The following FAF1 variants were observed in gnomAD, a reference collection of about 807,000 sequenced individuals.
The protein encoded by FAF1 is FAS-associated factor 1.
A neutral mutation model predicts 92.5 loss-of-function variants in FAF1; 25 were observed. The observed-to-expected ratio is 0.27, with a 90% CI of 0.20 to 0.38. The LOEUF (loss-of-function observed/expected upper bound fraction) is 0.38. Ranked by LOEUF, FAF1 falls within the 10% of genes least tolerant of loss-of-function variation. The pLI is 1.00. For missense variants in FAF1, 636 were observed against 793.3 expected (o/e 0.80, Z 2.38); for synonymous variants, 234 against 273.2 (o/e 0.86, Z 1.42).
chr1:50,780,617 C>T (rs1055124418), intron 4 of FAF1: 5 of 201,138 alleles, frequency 2.5e-5, no homozygotes, highest in African/African-American at 9.4e-5. Context: ...AACTGCACAT[C>T]CTCTTCCAGC....
intron 1 of FAF1, among the ~76,000 whole-genome samples, chr1:50,903,125 A>C (rs1470494921): frequency 6.6e-6 from 1 of 151,826 alleles, no homozygotes; most frequent in East Asian, 1.9e-4. Flanking sequence ...TCATCTTTTT[A>C]TCCCCAGTGC....
chr1:50,873,854 C>A (rs192124619), intron 1 of FAF1, among the ~76,000 whole-genome samples: 61 of 152,278 alleles, frequency 4.0e-4, no homozygotes, highest in African/African-American at 1.1e-3. Context: ...TGTGCAAAGC[C>A]AAGAAACCTC....
At chr1:50,553,198 C>T (rs1034066047) in intron 13 of FAF1, among the ~76,000 whole-genome samples, 3 of 152,106 alleles carry the variant, frequency 2.0e-5, no homozygotes, top group Non-Finnish European at 4.4e-5. Flanking sequence ...ACCAGTGATA[C>T]TTGAACAAAT....
Position 50,475,503 on chromosome 1 carries a change from C to T in FAF1, c.1830G>A (p.Trp610Ter). The change falls in exon 18 of 19, where the codon TGG becomes TGA. Residue 610 changes from tryptophan to a stop codon, truncating the protein, a stop_gained. Coordinates refer to ENST00000396153, the MANE Select transcript of FAF1 (RefSeq NM_007051.3). LOFTEE classifies it high-confidence loss of function. ...FDFVASKGFPWDEYKLLSTFP... is the reference protein window; with the variant it reads ...FDFVASKGFP ...AGGTGCTCAGTAACTTGTACTCATC[C>T]CATGGAAATCCTTTGGAAGCTACAA... is the stretch of plus-strand genomic sequence containing the variant. The T allele has an allele frequency of 6.2e-7, 1 of 1,614,058 alleles. No homozygotes were observed. Among genetic ancestry groups the T allele is most frequent in the Non-Finnish European group, 8.5e-7 (1 of 1,179,958 alleles).
intron 12 of FAF1, 175 bp downstream of exon 12, chr1:50,582,443 A>T (rs2124010107): frequency 1.8e-6 from 1 of 551,206 alleles, no homozygotes; most frequent in East Asian, 2.8e-5. Context: ...AATTGGACTT[A>T]TACAGAGATG....
intron 1 of FAF1, 83 bp downstream of exon 1, chr1:50,959,684 C>A: frequency 7.9e-7 from 1 of 1,264,216 alleles, no homozygotes; most frequent in South Asian, 1.2e-5. Context: ...CTGCAGCGTT[C>A]AAACGCTGGG....
At chr1:50,736,387 C>T (rs1355547920) in intron 6 of FAF1, among the ~76,000 whole-genome samples, 3 of 152,180 alleles carry the variant, frequency 2.0e-5, no homozygotes, top group Admixed American at 1.3e-4. Context: ...TATCTGTCTA[C>T]CATTTTTGAT....
chr1:50,841,789 C>A (rs954029495), intron 2 of FAF1, among the ~76,000 whole-genome samples: 3 of 151,620 alleles, frequency 2.0e-5, no homozygotes, highest in East Asian at 1.9e-4. Flanking sequence ...AAAGAAAAAC[C>A]CACATATGGG....
At chr1:50,777,795 G>A (rs1014628583) in intron 4 of FAF1, among the ~76,000 whole-genome samples, 2 of 151,406 alleles carry the variant, frequency 1.3e-5, no homozygotes, top group African/African-American at 4.9e-5. Flanking sequence ...GACTAAAATT[G>A]AAAAGATTAA....
At chr1:50,875,303 G>A (rs191114259) in intron 1 of FAF1, among the ~76,000 whole-genome samples, 12 of 151,822 alleles carry the variant, frequency 7.9e-5, no homozygotes, top group South Asian at 2.1e-4. Flanking sequence ...TATTTATCAC[G>A]TACAATATAA....
intron 2 of FAF1, among the ~76,000 whole-genome samples, chr1:50,817,837 C>T (rs924406273): frequency 1.3e-5 from 2 of 151,946 alleles, no homozygotes; most frequent in African/African-American, 4.8e-5. Context: ...TTCCATGATA[C>T]ATGAATTATA....
chr1:50,706,267 T>A (rs890675828), intron 6 of FAF1, among the ~76,000 whole-genome samples: 2 of 152,198 alleles, frequency 1.3e-5, no homozygotes, highest in African/African-American at 4.8e-5. Flanking sequence ...CAATTCCAAG[T>A]GAAACAGCTG....
intron 8 of FAF1, among the ~76,000 whole-genome samples, chr1:50,644,559 CA>C: frequency 6.6e-6 from 1 of 152,304 alleles, no homozygotes; most frequent in African/African-American, 2.4e-5. Context: ...TGGAGCCTCC[CA>C]AAACTCCAAT....
At chr1:50,692,493 C>T (rs978656139) in intron 7 of FAF1, among the ~76,000 whole-genome samples, 7 of 152,070 alleles carry the variant, frequency 4.6e-5, no homozygotes, top group Non-Finnish European at 8.8e-5. Context: ...TCACTGTTCT[C>T]CTCTCTACTT....
At chr1:50,494,306 T>C (rs1432408222) in intron 15 of FAF1, among the ~76,000 whole-genome samples, 1 of 152,220 alleles carries the variant, frequency 6.6e-6, no homozygotes, top group Non-Finnish European at 1.5e-5. Context: ...TCCCAGGTAT[T>C]GTGGTTAACA....
chr1:50,824,598 A>G (rs1032395096), intron 2 of FAF1, among the ~76,000 whole-genome samples: 2 of 152,196 alleles, frequency 1.3e-5, no homozygotes, highest in African/African-American at 4.8e-5. Context: ...TGTATGATGT[A>G]GCAATTCCAC....
intron 1 of FAF1, among the ~76,000 whole-genome samples, chr1:50,932,003 A>G (rs1337327642): frequency 6.7e-6 from 1 of 149,660 alleles, no homozygotes; most frequent in Admixed American, 6.7e-5. Context: ...CAATTCTGGG[A>G]ATAATAATAA....
In FAF1 at chr1:50,938,996, G is replaced by T. The variant is rs537693270; in HGVS notation, c.45+20771C>A. Among the ~76,000 whole-genome samples, 3 of 152,266 alleles carry T rather than the reference G, an allele frequency of 2.0e-5. No homozygotes were observed. In the South Asian group the frequency reaches 6.2e-4, roughly 32 times the overall value. On this transcript the variant is annotated intron_variant, in intron 1 of 18. Transcript: ENST00000396153. The stretch of plus-strand genomic sequence containing the variant: ...TTATAGTATACTTTGAAGTTGGGTG[G>T]TATAATGCCTCCCACTTTGTTCTTT...
chr1:50,841,123 G>C lies in FAF1; in HGVS notation c.114+16806C>G, dbSNP rs545592121. 7.9e-5 allele frequency among the ~76,000 whole-genome samples: 12 copies of C among 152,146 alleles called. No individual in the cohort carries two copies. The South Asian group carries it at 2.5e-3, about 32-fold the overall frequency. ...CTACTATGGCCAAAGATGTGGCGCA[G>C]CAATGGCTCCACTACAGCAGTAAGA... On this transcript the variant is annotated intron_variant, in intron 2 of 18. Transcript: ENST00000396153.
Sources: gnomAD v4.1 joint callset for allele counts (sites outside exome capture counted in the v4.1 genomes callset) on GRCh38, gnomAD v4.1.1 for gene constraint, MANE v1.5 for transcripts, NCBI Gene and HGNC (gene_info 2026-07-23, HGNC 2026-07-21) for gene names.